The following FBXW8 variants were observed in gnomAD, a reference collection of about 807,000 sequenced individuals.
FBXW8 encodes F-box/WD repeat-containing protein 8.
Under a neutral mutation model 65.3 loss-of-function variants are expected in FBXW8, and 57 were observed. That is an observed-to-expected ratio of 0.87 (90% CI 0.71 to 1.09). The LOEUF is 1.09. FBXW8 is among the 50% of genes least tolerant of loss of function. The pLI is 0.00. For missense variants in FBXW8, 777 were observed against 814.8 expected (o/e 0.95, Z 0.57); for synonymous variants, 308 against 330.2 (o/e 0.93, Z 0.73).
At position 116,939,703 on chromosome 12, in the gene FBXW8, C is replaced by T. The variant is rs150105111; in HGVS notation, c.424-5661C>T. 2.6e-4 allele frequency among the ~76,000 whole-genome samples: 40 copies of T among 152,294 alleles called. No homozygotes were observed. In the East Asian group the frequency reaches 5.2e-3, roughly 20 times the overall value. ...AAAGCTGCCCTGTGTTTCCTGAGCA[C>T]GTTCTGCCTTTGAGAACCTGTAAAG... On this transcript the variant is annotated intron_variant, in intron 2 of 10. Transcript: ENST00000652555.
chr12:116,983,882 A>G (rs181881959), intron 5 of FBXW8, among the ~76,000 whole-genome samples: 14 of 152,360 alleles, frequency 9.2e-5, no homozygotes, highest in African/African-American at 2.9e-4. Flanking sequence ...CCTATGTAGT[A>G]GGTAATGTTG....
intron 2 of FBXW8, among the ~76,000 whole-genome samples, chr12:116,933,270 A>G (rs539029177): frequency 6.6e-6 from 1 of 152,262 alleles, no homozygotes; most frequent in East Asian, 1.9e-4. Flanking sequence ...CAAAGTCAGC[A>G]TTAGATGATA....
intron 5 of FBXW8, among the ~76,000 whole-genome samples, chr12:116,971,938 A>G (rs1884673257): frequency 6.6e-6 from 1 of 152,220 alleles, no homozygotes; most frequent in Admixed American, 6.5e-5. Context: ...GAAACACTGG[A>G]AAGGCACCAT....
chr12:116,953,018 G>A (rs61936995), intron 4 of FBXW8, among the ~76,000 whole-genome samples: 8 of 152,196 alleles, frequency 5.3e-5, no homozygotes, highest in Non-Finnish European at 1.0e-4. Flanking sequence ...GATTACAGGC[G>A]TGAGCCACTG....
intron 7 of FBXW8, among the ~76,000 whole-genome samples, chr12:116,990,429 C>A (rs1953211192): frequency 6.6e-6 from 1 of 152,124 alleles, no homozygotes; most frequent in South Asian, 2.1e-4. Flanking sequence ...CTTTCTCATG[C>A]TCTAAAAAAA....
chr12:116,976,616 G>C lies in FBXW8; in HGVS notation c.836-8590G>C, dbSNP rs548018449. 1.1e-4 allele frequency among the ~76,000 whole-genome samples: 14 copies of C among 127,916 alleles called. No homozygotes were observed. The South Asian group carries it at 3.5e-3, about 32-fold the overall frequency. The allele number at this position is 127,916 out of a possible 152,430, so 83.9% of individuals were successfully genotyped here. On this transcript the variant is annotated intron_variant, in intron 5 of 10. Coordinates refer to ENST00000652555, the MANE Select transcript of FBXW8 (RefSeq NM_153348.3). The stretch of plus-strand genomic sequence containing the variant: ...GATTACAGGCATGCACCACCACACC[G>C]GCTAATTTTTTTTTTTTTTTTGTAT...
chr12:116,955,460 T>C (rs1220329835), intron 4 of FBXW8, among the ~76,000 whole-genome samples: 1 of 152,252 alleles, frequency 6.6e-6, no homozygotes, highest in Non-Finnish European at 1.5e-5. Context: ...GTTCAGCGCC[T>C]GTCTGCATTT....
chr12:116,911,805 G>A (rs1879967818), intron 1 of FBXW8, among the ~76,000 whole-genome samples: 1 of 152,282 alleles, frequency 6.6e-6, no homozygotes, highest in South Asian at 2.1e-4. Flanking sequence ...TGATGGATAG[G>A]AAGTAATTTT....
At chr12:116,942,343 T>C (rs1244853485) in intron 2 of FBXW8, among the ~76,000 whole-genome samples, 1 of 151,208 alleles carries the variant, frequency 6.6e-6, no homozygotes, top group East Asian at 1.9e-4. Flanking sequence ...ATAGAGTAGA[T>C]AATCTCAATT....
At chr12:116,934,372 A>G (rs1218696477) in intron 2 of FBXW8, among the ~76,000 whole-genome samples, 1 of 152,192 alleles carries the variant, frequency 6.6e-6, no homozygotes, top group Admixed American at 6.5e-5. Flanking sequence ...TTTAGTAAGC[A>G]AAGTTACTTG....
At chr12:116,963,846 C>G (rs1004261843) in intron 4 of FBXW8, among the ~76,000 whole-genome samples, 5 of 152,148 alleles carry the variant, frequency 3.3e-5, no homozygotes, top group African/African-American at 1.2e-4. Context: ...AAAGGCATTT[C>G]TCACCACTTT....
At chr12:116,929,052 C>T (rs1881563603) in intron 2 of FBXW8, among the ~76,000 whole-genome samples, 1 of 152,142 alleles carries the variant, frequency 6.6e-6, no homozygotes, top group Non-Finnish European at 1.5e-5. Flanking sequence ...GTGATCTGCC[C>T]GCCTTGGCCT....
intron 7 of FBXW8, among the ~76,000 whole-genome samples, chr12:116,992,094 G>A (rs1186199746): frequency 6.6e-6 from 1 of 152,214 alleles, no homozygotes; most frequent in African/African-American, 2.4e-5. Flanking sequence ...TGCTTGTCAA[G>A]GAACCTAGCT....
At chr12:116,997,834 G>A (rs551729558) in intron 7 of FBXW8, among the ~76,000 whole-genome samples, 1 of 152,176 alleles carries the variant, frequency 6.6e-6, no homozygotes, top group South Asian at 2.1e-4. Context: ...GTTTTTTTGA[G>A]AGATGGAATC....
chr12:116,958,822 T>G (rs10735100), intron 4 of FBXW8, among the ~76,000 whole-genome samples: 83,083 of 152,152 alleles, frequency 0.55, 26,690 homozygotes, highest in Admixed American at 0.7. Context: ...CCAGTAGTGA[T>G]CATGAATAAC....
chr12:116,956,926 C>T (rs1308071090), intron 4 of FBXW8, among the ~76,000 whole-genome samples: 2 of 152,170 alleles, frequency 1.3e-5, no homozygotes, highest in Non-Finnish European at 2.9e-5. Context: ...CGAGGTCATG[C>T]CACTGCTCCC....
At chr12:117,018,024 ATAAGTT>A (rs1160704880) in intron 8 of FBXW8, among the ~76,000 whole-genome samples, 1 of 152,154 alleles carries the variant, frequency 6.6e-6, no homozygotes, top group African/African-American at 2.4e-5. Context: ...AAGTGTTATA[ATAAGTT>A]ATTCAGAGCT....
intron 3 of FBXW8, 97 bp downstream of exon 3, chr12:116,945,625 C>A: frequency 7.9e-7 from 1 of 1,264,042 alleles, no homozygotes; most frequent in Non-Finnish European, 1.1e-6. Context: ...TTGCCAACAG[C>A]GAAGGGAGAG....
intron 5 of FBXW8, chr12:116,978,115 A>G (rs1885069432): frequency 1.3e-5 from 2 of 152,248 alleles, no homozygotes. Context: ...GCCTTAGGCA[A>G]CAGAGCTGTA....
Sources: allele counts gnomAD v4.1 joint callset (sites outside exome capture counted in the v4.1 genomes callset), GRCh38; gene constraint gnomAD v4.1.1; transcripts MANE v1.5; gene names NCBI Gene and HGNC (gene_info 2026-07-23, HGNC 2026-07-21).